The following FGA variants were observed in gnomAD, a reference collection of about 807,000 sequenced individuals.
The protein encoded by FGA is fibrinogen alpha chain, also known as fibrinogen, A alpha polypeptide.
FGA carries 20 observed loss-of-function variants against 20.3 expected under a neutral mutation model. The ratio of observed to expected loss-of-function variants is 0.99; its 90% CI spans 0.69 to 1.43. FGA has a LOEUF of 1.43. Ranked by LOEUF, FGA falls within the 40% of genes most tolerant of loss-of-function variation. The pLI is 0.00. For missense variants in FGA, 777 were observed against 784.7 expected, an observed-to-expected ratio of 0.99 and a Z score of 0.12; for synonymous variants, 306 against 281.6, an observed-to-expected ratio of 1.09 and a Z score of -0.87.
rs1560827273 is a variant in FGA at position 154,588,785 on chromosome 4, A to C, written c.364+8T>G. On this transcript the variant is annotated splice_region_variant and intron_variant, in intron 3 of 4. Coordinates refer to ENST00000403106, the MANE Select transcript of FGA (RefSeq NM_021871.4). ...ATAAAGTCAAAGCAGTAAATATGTA[A>C]TACTTACTATTGGCTGAGGAAAAAT... is the stretch of plus-strand genomic sequence containing the variant. 1 of 1,589,576 alleles carries C rather than the reference A, an allele frequency of 6.3e-7. No homozygotes were observed. Among genetic ancestry groups the C allele is most frequent in the Non-Finnish European group, 8.6e-7 (1 of 1,159,416 alleles).
intron 1 of FGA, among the ~76,000 whole-genome samples, chr4:154,589,889 T>C (rs974001114): frequency 2.6e-5 from 4 of 152,188 alleles, no homozygotes; most frequent in African/African-American, 9.7e-5. Flanking sequence ...ATAAAATCAG[T>C]TAAATTTTAC....
Position 154,585,309 on chromosome 4 carries a change from A to C in FGA, c.*185T>G. ...CCATTTAACATGTATTTATTGAGTCATGGCTCTGTACTGTTAGGCATTTGG... is the reference window on the plus strand; with the variant it reads ...CCATTTAACATGTATTTATTGAGTCCTGGCTCTGTACTGTTAGGCATTTGG... On this transcript the variant is annotated 3_prime_UTR_variant, in exon 5 of 5. Coordinates refer to ENST00000403106, the MANE Select transcript of FGA (RefSeq NM_021871.4). 1 of 1,254,554 alleles carries C rather than the reference A, an allele frequency of 8.0e-7. No homozygotes were observed. The highest frequency in any genetic ancestry group is 1.1e-6 in the Non-Finnish European group (1 of 937,696). The allele number at this position is 1,254,554 out of a possible 1,614,324, so 77.7% of individuals were successfully genotyped here. A position where few individuals can be genotyped will look rare whatever the true frequency, so the allele number is the denominator to read the frequency against.
chr4:154,586,700 C>T lies in FGA; in HGVS notation c.729G>A (p.Lys243=), dbSNP rs1280015877. The part of the protein sequence containing the change: ...VPGNFKSQLQ[K]VPPEWKALTD... Reference sequence around the variant, plus strand: ...TTAATGCCTTCCACTCTGGGGGTACCTTCTGAAGCTGGCTCTTAAAATTTC... The same window carrying T: ...TTAATGCCTTCCACTCTGGGGGTACTTTCTGAAGCTGGCTCTTAAAATTTC... Residue 243 remains lysine, a synonymous_variant, in exon 5 of 5, where the codon AAG becomes AAA. Transcript: ENST00000403106. 6.2e-7 allele frequency: 1 copy of T among 1,614,214 alleles called. No individual in the cohort carries two copies. Among genetic ancestry groups the T allele is most frequent in the Non-Finnish European group, 8.5e-7 (1 of 1,180,034 alleles).
downstream of FGA, chr4:154,585,255 C>G: frequency 7.4e-7 from 1 of 1,350,418 alleles, no homozygotes; most frequent in Non-Finnish European, 9.5e-7. Context: ...TAAATAAGCT[C>G]AAATAGAGTT....
intron 4 of FGA, among the ~76,000 whole-genome samples, chr4:154,587,244 G>A (rs1204139200): frequency 6.6e-6 from 1 of 152,154 alleles, no homozygotes; most frequent in Non-Finnish European, 1.5e-5. Flanking sequence ...AGGGCTCAGA[G>A]GTGTGGTGAT....
chr4:154,589,863 A>G (rs1207416497), intron 1 of FGA, among the ~76,000 whole-genome samples: 1 of 152,236 alleles, frequency 6.6e-6, no homozygotes, highest in Non-Finnish European at 1.5e-5. Flanking sequence ...TCCTAAAAGG[A>G]AAATTATTTG....
Position 154,586,150 on chromosome 4 carries a change from C to T in FGA, c.1279G>A (p.Glu427Lys). The change falls in exon 5 of 5, where the codon GAG (glutamate) becomes AAG (lysine). Residue 427 changes from glutamate to lysine, a missense_variant. Coordinates refer to ENST00000403106, the MANE Select transcript of FGA (RefSeq NM_021871.4). The part of the protein sequence containing the change: ...SGNVSPGTRR[E>K]YHTEKLVTSK... ...GTGACCAGTTTTTCTGTGTGGTACT[C>T]TCTCCTTGTCCCTGGACTTACATTT... 1.2e-6 allele frequency: 2 copies of T among 1,614,208 alleles called. No homozygotes were observed. Among genetic ancestry groups the T allele is most frequent in the African/African-American group, 2.7e-5 (2 of 75,054 alleles).
At chr4:154,587,690 G>T in intron 3 of FGA, 33 bp from the exon 4 acceptor site, 1 of 1,601,634 alleles carries the variant, frequency 6.2e-7, no homozygotes. Context: ...TGAAGTAGCT[G>T]CTGAGTGATT....
In FGA at chr4:154,585,435, G is replaced by T; in HGVS notation, c.*59C>A. On this transcript the variant is annotated 3_prime_UTR_variant, in exon 5 of 5. Coordinates refer to ENST00000403106, the MANE Select transcript of FGA (RefSeq NM_021871.4). ...TGTAGTTTCAATGACGTGTAACAGA[G>T]AGTTAAGAAGGAAATGCAAGGGGCC... is the stretch of plus-strand genomic sequence containing the variant. 7.9e-7 allele frequency: 1 copy of T among 1,263,658 alleles called. No individual in the cohort carries two copies. The highest frequency in any genetic ancestry group is 1.1e-6 in the Non-Finnish European group (1 of 870,422). The allele number at this position is 1,263,658 out of a possible 1,614,324, so 78.3% of individuals were successfully genotyped here.
downstream of FGA, chr4:154,583,251 G>T (rs577769966): frequency 6.6e-6 from 1 of 152,146 alleles, no homozygotes; most frequent in Non-Finnish European, 1.5e-5. Context: ...ATCAAATATT[G>T]ACCAAAGTAA....
downstream of FGA, chr4:154,584,088 A>G (rs201708558): frequency 3.5e-6 from 3 of 866,468 alleles, no homozygotes; most frequent in African/African-American, 8.9e-5. Flanking sequence ...TTCTCTAGCA[A>G]AGAAGACAGA....
At chr4:154,584,269 C>A, downstream of FGA, 1 of 1,614,102 alleles carries the variant, frequency 6.2e-7, no homozygotes, top group Non-Finnish European at 8.5e-7. Context: ...GTAGTAGATT[C>A]CATTGAGATT....
At chr4:154,584,254 C>A, downstream of FGA, 1 of 1,614,042 alleles carries the variant, frequency 6.2e-7, no homozygotes, top group Non-Finnish European at 8.5e-7. Context: ...ATAGGAGCCC[C>A]CAGGGTAGTA....
rs764131074 is a variant in FGA at position 154,586,359 on chromosome 4, G to A, written c.1070C>T (p.Thr357Ile). The A allele has an allele frequency of 1.2e-6, 2 of 1,614,146 alleles. No homozygotes were observed. Among genetic ancestry groups the A allele is most frequent in the South Asian group, 1.1e-5 (1 of 91,084 alleles). Residue 357 changes from threonine (T) to isoleucine (I), a missense_variant, in exon 5 of 5, where the codon ACC (threonine) becomes ATC (isoleucine). Physicochemically the swap from Thr to Ile is moderately conservative, Grantham distance 89. Transcript: ENST00000403106. ...AGAGCTGCCAGGATTCCAGGTTCCG[G>A]TACTACCAGGTCTAGGGCTCCCAGG... ...QNPGSPRPGS[T>I]GTWNPGSSER...
chr4:154,585,544 C>G lies in FGA; in HGVS notation c.1885G>C (p.Val629Leu). The stretch of plus-strand genomic sequence containing the variant: ...AAAGGAGAAGTGTGGATACCTCTGA[C>G]AGGGCGAGATTTAGCATGGCCTCTC... ...TKRGHAKSRP[V>L]RGIHTSPLGK... Residue 629 changes from valine (V) to leucine (L), a missense_variant, in exon 5 of 5, where the codon GTC (valine) becomes CTC (leucine). Coordinates refer to ENST00000403106, the MANE Select transcript of FGA (RefSeq NM_021871.4). 1.2e-6 allele frequency: 2 copies of G among 1,614,010 alleles called. No individual in the cohort carries two copies. The highest frequency in any genetic ancestry group is 1.7e-6 in the Non-Finnish European group (2 of 1,179,930).
downstream of FGA, chr4:154,583,783 T>G: frequency 4.2e-6 from 1 of 239,908 alleles, no homozygotes; most frequent in Non-Finnish European, 8.1e-6. Flanking sequence ...GGCATTATGA[T>G]TTTGGGTGGT....
At chr4:154,589,961 C>T (rs1730829526) in intron 1 of FGA, among the ~76,000 whole-genome samples, 1 of 152,182 alleles carries the variant, frequency 6.6e-6, no homozygotes, top group African/African-American at 2.4e-5. Context: ...GCTCTTTCTC[C>T]TGTAATTGCT....
In FGA at chr4:154,587,754, A is replaced by AGAAAGAAAGAAAGAAG. The variant is rs1424570162; in HGVS notation, c.365-98_365-97insCTTCTTTCTTTCTTTC. On this transcript the variant is annotated intron_variant, in intron 3 of 4. Transcript: ENST00000403106. ...GAAGAAAGGAAGGAAGGAGAAAGAA[A>AGAAAGAAAGAAAGAAG]GAAAGAAAGAAAGAAAGAAAGAAAG... 1.2e-3 allele frequency: 543 copies of AGAAAGAAAGAAAGAAG among 468,934 alleles called. 6 individuals are homozygous for AGAAAGAAAGAAAGAAG. The African/African-American group carries it at 0.012, about 11-fold the overall frequency. The allele number at this position is 468,934 out of a possible 1,614,324, so 29.0% of individuals were successfully genotyped here.
rs121909614 is a variant in FGA at position 154,589,501 on chromosome 4, A to T, written c.116T>A (p.Val39Asp). ...AEGGGVRGPR[V>D]VERHQSACKD... ...GCAGGCAGATTGATGTCTTTCCACA[A>T]CCCTTGGGCCACGCACGCCTCCTCC... is the stretch of plus-strand genomic sequence containing the variant. Residue 39 changes from valine to aspartate, a missense_variant, in exon 2 of 5, where the codon GTT becomes GAT. Coordinates refer to ENST00000403106, the MANE Select transcript of FGA (RefSeq NM_021871.4). 3.1e-6 allele frequency: 5 copies of T among 1,613,886 alleles called. No individual in the cohort carries two copies. The highest frequency in any genetic ancestry group is 4.2e-6 in the Non-Finnish European group (5 of 1,179,940).
Sources: allele counts gnomAD v4.1 joint callset (sites outside exome capture counted in the v4.1 genomes callset), GRCh38; gene constraint gnomAD v4.1.1; transcripts MANE v1.5; gene names NCBI Gene and HGNC (gene_info 2026-07-23, HGNC 2026-07-21).